CCDC138: variants seen among roughly 807,000 people sequenced by gnomAD.
The protein encoded by CCDC138 is coiled-coil domain-containing protein 138.
Under a neutral mutation model 82.3 loss-of-function variants are expected in CCDC138, and 66 were observed. That is an observed-to-expected ratio of 0.80 (90% CI 0.66 to 0.98). The LOEUF is 0.98. Ranked by LOEUF, CCDC138 falls within the 50% of genes least tolerant of loss-of-function variation. The pLI is 0.00. For synonymous variants in CCDC138, 297 were observed against 265.4 expected (o/e 1.12, Z -1.16); for missense variants, 816 against 758.9 (o/e 1.08, Z -0.88).
chr2:108,873,098 A>C (rs1417472829), intron 13 of CCDC138, among the ~76,000 whole-genome samples: 1 of 152,074 alleles, frequency 6.6e-6, no homozygotes, highest in African/African-American at 2.4e-5. Flanking sequence ...TTAATTTACT[A>C]CTTAAGCAGA....
rs201490835 is a variant in CCDC138 at position 108,876,123 on chromosome 2, A to C, written c.1868A>C (p.His623Pro). 1 of 1,605,246 alleles carries C rather than the reference A, an allele frequency of 6.2e-7. No individual in the cohort carries two copies. The highest frequency in any genetic ancestry group is 1.3e-5 in the African/African-American group (1 of 74,716). ...NKKLFELFTI[H>P]LMLQEIQRTT... ...AAGCTCTTTGAACTTTTTACGATTC[A>C]TCTGATGCTTCAAGAAATACAAAGG... The change falls in exon 15 of 15, where the codon CAT becomes CCT. Residue 623 changes from histidine (H) to proline (P), a missense_variant. His to Pro is a moderately conservative substitution (Grantham distance 77). Coordinates refer to ENST00000295124, the MANE Select transcript of CCDC138 (RefSeq NM_144978.3).
At chr2:108,786,969 C>T (rs768149635) in intron 1 of CCDC138, 54 bp downstream of exon 1, 152 of 1,258,924 alleles carry the variant, frequency 1.2e-4, no homozygotes, top group Non-Finnish European at 1.5e-4. Context: ...GGGGGCGGCC[C>T]GCTCCGTGCC....
rs779092015 is a variant in CCDC138 at position 108,876,163 on chromosome 2, G to A, written c.1908G>A (p.Glu636=). ...LQEIQRTTNP[E]HAFLCINLNS... is the part of the protein sequence containing the mutation. ...AAATACAAAGGACAACAAACCCAGA[G>A]CATGCATTTCTCTGTATTAATCTAA... Residue 636 remains glutamate (E), a synonymous_variant, in exon 15 of 15, where the codon GAG becomes GAA. Transcript: ENST00000295124. The A allele has an allele frequency of 1.4e-5, 23 of 1,612,392 alleles. No individual in the cohort carries two copies. The highest frequency in any genetic ancestry group is 1.8e-5 in the Non-Finnish European group (21 of 1,178,772).
chr2:108,813,649 T>C (rs1376255315), intron 9 of CCDC138, among the ~76,000 whole-genome samples: 1 of 152,208 alleles, frequency 6.6e-6, no homozygotes, highest in Non-Finnish European at 1.5e-5. Flanking sequence ...TATGGTAACA[T>C]AATGCAGAAA....
At chr2:108,822,342 A>G (rs1685846751) in intron 10 of CCDC138, among the ~76,000 whole-genome samples, 1 of 152,228 alleles carries the variant, frequency 6.6e-6, no homozygotes, top group Non-Finnish European at 1.5e-5. Flanking sequence ...AAATAGTAAC[A>G]TAATACTACT....
At chr2:108,857,938 A>G (rs1692896423) in intron 13 of CCDC138, among the ~76,000 whole-genome samples, 1 of 152,250 alleles carries the variant, frequency 6.6e-6, no homozygotes, top group Non-Finnish European at 1.5e-5. Flanking sequence ...TTTATGAAAT[A>G]GTTGACCTGC....
chr2:108,877,244 G>A (rs1696082966), downstream of CCDC138, among the ~76,000 whole-genome samples: 1 of 151,920 alleles, frequency 6.6e-6, no homozygotes, highest in South Asian at 2.1e-4. Context: ...GAGGTGGGCG[G>A]ATCACCTAAG....
At chr2:108,857,394 T>C (rs1051460748) in intron 13 of CCDC138, among the ~76,000 whole-genome samples, 1 of 152,278 alleles carries the variant, frequency 6.6e-6, no homozygotes, top group South Asian at 2.1e-4. Context: ...TGCTTAAAAA[T>C]ATTTTTGATG....
rs1238241118 is a variant in CCDC138 at position 108,788,816 on chromosome 2, TGTG to T, written c.152-33_152-31del. ...TGCCAGATATTTTGTGATATATTGT[TGTG>T]GTAATCTTTCATGGTTTCTTTGTCG... On this transcript the variant is annotated intron_variant, in intron 2 of 14. Coordinates refer to ENST00000295124, the MANE Select transcript of CCDC138 (RefSeq NM_144978.3). 3 of 1,613,310 alleles carry T rather than the reference TGTG, an allele frequency of 1.9e-6. No homozygotes were observed. In the South Asian group the frequency reaches 3.3e-5, roughly 18 times the overall value.
intron 3 of CCDC138, among the ~76,000 whole-genome samples, chr2:108,789,626 A>T (rs928322406): frequency 2.0e-5 from 3 of 152,136 alleles, no homozygotes; most frequent in African/African-American, 4.8e-5. Flanking sequence ...AAAAACTGCC[A>T]TACAGGTTTT....
At chr2:108,882,187 T>G (rs1435909498) in intron 1 of CCDC138, 1 of 152,116 alleles carries the variant, frequency 6.6e-6, no homozygotes, top group African/African-American at 2.4e-5. Flanking sequence ...GATTACTGAT[T>G]ACAGATCACC....
intron 13 of CCDC138, among the ~76,000 whole-genome samples, chr2:108,866,737 G>T (rs1694473142): frequency 6.6e-6 from 1 of 152,084 alleles, no homozygotes; most frequent in Non-Finnish European, 1.5e-5. Context: ...ACAAACATTA[G>T]CTGGACGCGG....
chr2:108,871,533 C>G (rs1558768260), intron 13 of CCDC138, among the ~76,000 whole-genome samples: 1 of 151,952 alleles, frequency 6.6e-6, no homozygotes, highest in Admixed American at 6.6e-5. Context: ...GCCTGGGCAA[C>G]AAAGCAAGAC....
chr2:108,817,342 G>T (rs1372497579), intron 10 of CCDC138, among the ~76,000 whole-genome samples: 3 of 151,768 alleles, frequency 2.0e-5, no homozygotes, highest in African/African-American at 7.3e-5. Context: ...TGCCAGGCTG[G>T]AGTGCAGTGG....
intron 11 of CCDC138, among the ~76,000 whole-genome samples, chr2:108,841,296 G>A (rs1053457726): frequency 1.3e-5 from 2 of 152,156 alleles, no homozygotes; most frequent in African/African-American, 4.8e-5. Flanking sequence ...TGGTGTTTGT[G>A]AGTTGTTCTA....
intron 13 of CCDC138, among the ~76,000 whole-genome samples, chr2:108,864,337 T>C (rs1694079890): frequency 6.6e-6 from 1 of 152,202 alleles, no homozygotes; most frequent in South Asian, 2.1e-4. Flanking sequence ...AAGGAATTAT[T>C]TTTAACAAAA....
chr2:108,798,627 C>A (rs1681315378), intron 6 of CCDC138, 41 bp downstream of exon 6: 1 of 1,465,542 alleles, frequency 6.8e-7, no homozygotes, highest in African/African-American at 1.4e-5. Flanking sequence ...TATATTTCTT[C>A]TTTTCTTCTT....
downstream of CCDC138, among the ~76,000 whole-genome samples, chr2:108,878,827 A>T (rs1696194485): frequency 6.6e-6 from 1 of 152,200 alleles, no homozygotes; most frequent in South Asian, 2.1e-4. Context: ...GAAAGAGTTG[A>T]AGTGTTAATT....
intron 3 of CCDC138, 21 bp downstream of exon 3, chr2:108,788,987 A>G: frequency 6.2e-7 from 1 of 1,613,138 alleles, no homozygotes; most frequent in Non-Finnish European, 8.5e-7. Flanking sequence ...CTGAAACTTT[A>G]CTGTTGCTAC....
Sources: allele counts gnomAD v4.1 joint callset (sites outside exome capture counted in the v4.1 genomes callset), GRCh38; gene constraint gnomAD v4.1.1; transcripts MANE v1.5; gene names NCBI Gene and HGNC (gene_info 2026-07-23, HGNC 2026-07-21).